The following ARID2 variants were observed in gnomAD, a reference collection of about 807,000 sequenced individuals.
ARID2 encodes AT-rich interaction domain 2.
ARID2 carries 32 observed loss-of-function variants against 184.6 expected under a neutral mutation model. That is an observed-to-expected ratio of 0.17 (90% CI 0.13 to 0.23). The LOEUF (loss-of-function observed/expected upper bound fraction) is 0.23, where lower values mean the gene tolerates loss of function less well. ARID2 is among the 10% of genes least tolerant of loss of function. ARID2 has a pLI of 1.00. For missense variants in ARID2, 1,696 were observed against 2,197.6 expected (o/e 0.77, Z 4.56); for synonymous variants, 836 against 772.6 (o/e 1.08, Z -1.36).
intron 15 of ARID2, 82 bp downstream of exon 15, chr12:45,852,978 A>G (rs1943584737): frequency 2.8e-6 from 4 of 1,433,848 alleles, no homozygotes; most frequent in Admixed American, 2.9e-5. Flanking sequence ...ACTGTTTTCC[A>G]TGTCTCATCT....
chr12:45,892,544 G>A (rs1488350302), intron 18 of ARID2, among the ~76,000 whole-genome samples: 1 of 151,696 alleles, frequency 6.6e-6, no homozygotes, highest in Non-Finnish European at 1.5e-5. Context: ...TTGTTTTCAG[G>A]TTATCTTATT....
intron 3 of ARID2, among the ~76,000 whole-genome samples, chr12:45,783,600 A>G (rs909010697): frequency 6.6e-6 from 1 of 152,240 alleles, no homozygotes; most frequent in African/African-American, 2.4e-5. Flanking sequence ...TTAGATTCTC[A>G]TAATGAGCAT....
chr12:45,790,121 A>G (rs773520770), intron 3 of ARID2, among the ~76,000 whole-genome samples: 1 of 152,078 alleles, frequency 6.6e-6, no homozygotes, highest in African/African-American at 2.4e-5. Context: ...CCATTTTTAA[A>G]TTATTCAGTT....
chr12:45,800,554 T>C (rs1295988277), intron 3 of ARID2, among the ~76,000 whole-genome samples: 1 of 152,166 alleles, frequency 6.6e-6, no homozygotes, highest in Non-Finnish European at 1.5e-5. Flanking sequence ...TTCTTAGTTT[T>C]GTATAATGGA....
chr12:45,794,364 T>C (rs1311207118), intron 3 of ARID2, among the ~76,000 whole-genome samples: 4 of 152,204 alleles, frequency 2.6e-5, no homozygotes, highest in Non-Finnish European at 5.9e-5. Context: ...TCAAAAATTA[T>C]TGGAAAATAT....
intron 3 of ARID2, among the ~76,000 whole-genome samples, chr12:45,796,688 G>C (rs1245245033): frequency 6.6e-6 from 1 of 151,834 alleles, no homozygotes; most frequent in African/African-American, 2.4e-5. Flanking sequence ...TAATTTTTGT[G>C]ATTTTAGTAA....
At chr12:45,856,067 C>CTTTTTTTTTTTTTTTT (rs930473740) in intron 15 of ARID2, among the ~76,000 whole-genome samples, 2 of 74,630 alleles carry the variant, frequency 2.7e-5, no homozygotes, top group African/African-American at 4.9e-5. Context: ...TTCTTCTTTT[C>CTTTTTTTTTTTTTTTT]TTTTTTTTTT....
chr12:45,761,440 A>G (rs1049975313), intron 3 of ARID2, among the ~76,000 whole-genome samples: 2 of 152,148 alleles, frequency 1.3e-5, no homozygotes, highest in South Asian at 2.1e-4. Context: ...TTGTCTGCCT[A>G]TAATATGTTT....
chr12:45,760,882 G>A (rs568258718), intron 3 of ARID2, among the ~76,000 whole-genome samples: 4 of 151,410 alleles, frequency 2.6e-5, no homozygotes, highest in African/African-American at 9.7e-5. Flanking sequence ...AGTTTTTAGC[G>A]ATAGGGTCTG....
intron 3 of ARID2, among the ~76,000 whole-genome samples, chr12:45,782,097 AAG>A (rs1251151722): frequency 2.0e-5 from 3 of 152,118 alleles, no homozygotes; most frequent in Non-Finnish European, 2.9e-5. Flanking sequence ...TTTTTTAAAA[AAG>A]AGAGTAGATT....
intron 6 of ARID2, among the ~76,000 whole-genome samples, chr12:45,831,205 T>C (rs1943115958): frequency 6.6e-6 from 1 of 152,188 alleles, no homozygotes; most frequent in Admixed American, 6.5e-5. Context: ...GCTTACACGA[T>C]TGATTGTTGT....
intron 3 of ARID2, among the ~76,000 whole-genome samples, chr12:45,799,581 G>T (rs925995289): frequency 1.3e-5 from 2 of 152,090 alleles, no homozygotes; most frequent in Admixed American, 6.5e-5. Context: ...AAAGGAAGAA[G>T]TAAAGAGGAA....
At chr12:45,887,345 C>T (rs549865495) in intron 16 of ARID2, among the ~76,000 whole-genome samples, 1 of 152,144 alleles carries the variant, frequency 6.6e-6, no homozygotes, top group South Asian at 2.1e-4. Flanking sequence ...ATTGTTTTGC[C>T]AGATATTGAT....
intron 4 of ARID2, among the ~76,000 whole-genome samples, chr12:45,816,220 C>A (rs938853437): frequency 4.6e-5 from 7 of 152,234 alleles, no homozygotes; most frequent in African/African-American, 1.7e-4. Flanking sequence ...ATTAATTCTC[C>A]TGTGGAAAAT....
intron 4 of ARID2, among the ~76,000 whole-genome samples, chr12:45,813,663 T>A (rs189632076): frequency 4.6e-5 from 7 of 152,292 alleles, no homozygotes; most frequent in Non-Finnish European, 8.8e-5. Context: ...ATATTTTGAA[T>A]GGTAGTATAA....
intron 3 of ARID2, among the ~76,000 whole-genome samples, chr12:45,776,781 CTTTTTTTTTTT>C (rs745431917): frequency 4.4e-5 from 5 of 112,458 alleles, no homozygotes; most frequent in Non-Finnish European, 7.1e-5. Context: ...GAGATTCCGG[CTTTTTTTTTTT>C]TTTTTTTTTT....
At chr12:45,875,891 A>T (rs1944001598) in intron 16 of ARID2, among the ~76,000 whole-genome samples, 1 of 152,052 alleles carries the variant, frequency 6.6e-6, no homozygotes, top group Non-Finnish European at 1.5e-5. Context: ...TTCTATCCAG[A>T]CCTCTACAAC....
In ARID2 at chr12:45,850,892, A is replaced by G. The variant is rs537270292; in HGVS notation, c.2769A>G (p.Gln923=). 2 of 1,614,130 alleles carry G rather than the reference A, an allele frequency of 1.2e-6. No homozygotes were observed. The highest frequency in any genetic ancestry group is 1.3e-5 in the African/African-American group (1 of 75,028). Residue 923 remains glutamine, a synonymous_variant, in exon 15 of 21, where the codon CAA becomes CAG. Transcript: ENST00000334344. ...QPIQQPQQPT[Q]QSVVIVSQPA... The stretch of plus-strand genomic sequence containing the variant: ...TTCAACAACCACAGCAGCCAACCCA[A>G]CAAAGCGTAGTGATTGTAAGCCAGC...
At position 45,850,445 on chromosome 12, in the gene ARID2, A is replaced by G; in HGVS notation, c.2322A>G (p.Pro774=). Residue 774 remains proline, a synonymous_variant, in exon 15 of 21, where the codon CCA becomes CCG. Transcript: ENST00000334344. ...HHPSVIPQQS[P]LHTVVPGQIP... is the part of the protein sequence containing the mutation. ...CATCTGTAATTCCACAGCAGTCTCC[A>G]TTACACACAGTGGTACCAGGACAGA... is the stretch of plus-strand genomic sequence containing the variant. The G allele has an allele frequency of 6.2e-7, 1 of 1,614,046 alleles. No homozygotes were observed. The highest frequency in any genetic ancestry group is 8.5e-7 in the Non-Finnish European group (1 of 1,179,974).
Sources: gnomAD v4.1 joint callset for allele counts (sites outside exome capture counted in the v4.1 genomes callset) on GRCh38, gnomAD v4.1.1 for gene constraint, MANE v1.5 for transcripts, NCBI Gene and HGNC (gene_info 2026-07-23, HGNC 2026-07-21) for gene names.